Variants in TAFA5 observed in about 807,000 individuals in gnomAD.
TAFA5 encodes the protein TAFA chemokine like family member 5, also known as chemokine-like protein TAFA-5.
In TAFA5, 6 loss-of-function variants were observed where a neutral mutation model predicts 15.3. The ratio of observed to expected loss-of-function variants is 0.39; its 90% CI spans 0.21 to 0.77. The LOEUF (loss-of-function observed/expected upper bound fraction) is 0.77, where lower values mean the gene tolerates loss of function less well. Ranked by LOEUF, TAFA5 falls within the 30% of genes least tolerant of loss-of-function variation. The pLI is 0.41. For synonymous variants in TAFA5, 103 were observed against 80.7 expected (o/e 1.28, Z -1.48); for missense variants, 161 against 193.1 (o/e 0.83, Z 0.98).
chr22:48,509,404 C>T (rs1307843489), intron 1 of TAFA5, among the ~76,000 whole-genome samples: 1 of 152,196 alleles, frequency 6.6e-6, no homozygotes, highest in Non-Finnish European at 1.5e-5. Flanking sequence ...TCCACAACGG[C>T]TGTACTGATT....
chr22:48,700,722 T>G (rs1018042642), intron 2 of TAFA5, among the ~76,000 whole-genome samples: 2 of 152,132 alleles, frequency 1.3e-5, no homozygotes, highest in African/African-American at 4.8e-5. Context: ...GATGAGAGCT[T>G]GTCTGGCAGC....
intron 1 of TAFA5, among the ~76,000 whole-genome samples, chr22:48,614,250 A>G (rs552771431): frequency 1.3e-5 from 2 of 152,320 alleles, no homozygotes; most frequent in East Asian, 3.9e-4. Context: ...TCATAGATAC[A>G]AAACCGTGAA....
At chr22:48,580,068 G>T (rs917167701) in intron 1 of TAFA5, among the ~76,000 whole-genome samples, 1 of 152,216 alleles carries the variant, frequency 6.6e-6, no homozygotes, top group East Asian at 1.9e-4. Flanking sequence ...GCCGCGGCAC[G>T]GTGTACCCGG....
intron 3 of TAFA5, among the ~76,000 whole-genome samples, chr22:48,733,432 G>T (rs1023160730): frequency 6.6e-6 from 1 of 152,182 alleles, no homozygotes; most frequent in Non-Finnish European, 1.5e-5. Flanking sequence ...ACCCTCACAG[G>T]CAAGTTGCCC....
chr22:48,553,142 G>A (rs926091485), intron 1 of TAFA5, among the ~76,000 whole-genome samples: 3 of 152,130 alleles, frequency 2.0e-5, no homozygotes, highest in African/African-American at 7.2e-5. Flanking sequence ...CCTGACTTGT[G>A]TGATCCCAGC....
chr22:48,590,273 T>G (rs1029778744), intron 1 of TAFA5, among the ~76,000 whole-genome samples: 1 of 152,156 alleles, frequency 6.6e-6, no homozygotes, highest in Non-Finnish European at 1.5e-5. Flanking sequence ...TTCTTAATGC[T>G]CCTCCTTCCA....
intron 1 of TAFA5, among the ~76,000 whole-genome samples, chr22:48,521,125 G>A (rs1921586856): frequency 1.3e-5 from 2 of 152,190 alleles, no homozygotes; most frequent in Admixed American, 1.3e-4. Context: ...ATGTGAGGAG[G>A]GCTGTGAATG....
At chr22:48,749,525 G>A (rs1930421299) in intron 3 of TAFA5, among the ~76,000 whole-genome samples, 1 of 152,232 alleles carries the variant, frequency 6.6e-6, no homozygotes, top group South Asian at 2.1e-4. Context: ...GAGCTGTGGA[G>A]TGGCAAAGTG....
intron 2 of TAFA5, among the ~76,000 whole-genome samples, chr22:48,651,806 C>G (rs886355237): frequency 6.6e-6 from 1 of 152,150 alleles, no homozygotes; most frequent in African/African-American, 2.4e-5. Flanking sequence ...TCCTCATCCT[C>G]CAGCAGCAGG....
intron 3 of TAFA5, among the ~76,000 whole-genome samples, chr22:48,735,143 C>T (rs536630573): frequency 3.9e-5 from 6 of 152,174 alleles, no homozygotes; most frequent in Non-Finnish European, 8.8e-5. Flanking sequence ...GATGAGGAAA[C>T]GGAGGCACGG....
intron 3 of TAFA5, 125 bp from the exon 4 acceptor site, chr22:48,749,714 T>C: frequency 9.9e-7 from 1 of 1,014,814 alleles, no homozygotes; most frequent in Admixed American, 2.1e-5. Context: ...GAGGATGAGC[T>C]CTTCGTTTCA....
chr22:48,679,927 C>G (rs1003015476), intron 2 of TAFA5, among the ~76,000 whole-genome samples: 1 of 152,256 alleles, frequency 6.6e-6, no homozygotes, highest in South Asian at 2.1e-4. Flanking sequence ...ACCCCCAGCT[C>G]TGTCCCTTCC....
intron 2 of TAFA5, among the ~76,000 whole-genome samples, chr22:48,649,010 G>A (rs997177362): frequency 3.3e-5 from 5 of 152,188 alleles, no homozygotes; most frequent in African/African-American, 9.7e-5. Context: ...ATTGATGAGC[G>A]TGTCCTAAGA....
chr22:48,570,700 T>C (rs2147137976), intron 1 of TAFA5, among the ~76,000 whole-genome samples: 1 of 152,358 alleles, frequency 6.6e-6, no homozygotes, highest in South Asian at 2.1e-4. Context: ...CTCTATTATG[T>C]ATTTAATGGT....
At chr22:48,747,718 G>GA (rs1205900818) in intron 3 of TAFA5, among the ~76,000 whole-genome samples, 1 of 152,048 alleles carries the variant, frequency 6.6e-6, no homozygotes, top group Non-Finnish European at 1.5e-5. Flanking sequence ...CCAACATGGT[G>GA]AAAGTCCATC....
intron 3 of TAFA5, among the ~76,000 whole-genome samples, chr22:48,718,150 G>C (rs130166): frequency 0.34 from 51,953 of 152,096 alleles, 10,023 homozygotes; most frequent in Non-Finnish European, 0.44. Context: ...CTCTCCCAGA[G>C]ACAGGCAGGC....
chr22:48,694,998 T>C (rs1274266952), intron 2 of TAFA5, among the ~76,000 whole-genome samples: 1 of 151,668 alleles, frequency 6.6e-6, no homozygotes, highest in Admixed American at 6.6e-5. Context: ...CCTGCAGAGA[T>C]GGTTTCACAG....
chr22:48,607,092 C>T (rs1043467238), intron 1 of TAFA5, among the ~76,000 whole-genome samples: 1 of 152,256 alleles, frequency 6.6e-6, no homozygotes, highest in Non-Finnish European at 1.5e-5. Flanking sequence ...TGGGGCCTCA[C>T]TCAGGCCTGC....
At chr22:48,493,407 C>G (rs1179128486) in intron 1 of TAFA5, among the ~76,000 whole-genome samples, 1 of 152,212 alleles carries the variant, frequency 6.6e-6, no homozygotes, top group Middle Eastern at 3.2e-3. Context: ...TGTTTTGAAT[C>G]CATTAGAATC....
Sources: allele counts gnomAD v4.1 joint callset (sites outside exome capture counted in the v4.1 genomes callset), GRCh38; gene constraint gnomAD v4.1.1; transcripts MANE v1.5; gene names NCBI Gene and HGNC (gene_info 2026-07-23, HGNC 2026-07-21).